Variants in LRRC4B observed in about 807,000 individuals in gnomAD.
The protein encoded by LRRC4B is leucine-rich repeat-containing protein 4B.
Under a neutral mutation model 7.3 loss-of-function variants are expected in LRRC4B, and 1 was observed. The ratio of observed to expected loss-of-function variants is 0.14; its 90% confidence interval spans 0.05 to 0.65. The LOEUF is 0.65. Among genes scored for constraint, LRRC4B ranks in the 30% least tolerant of loss-of-function variants. LRRC4B has a pLI of 0.84. For missense variants in LRRC4B, 730 were observed against 1,041.6 expected, an observed-to-expected ratio of 0.70 and a Z score of 4.12; for synonymous variants, 500 against 499.2, an observed-to-expected ratio of 1.00 and a Z score of -0.02.
At chr19:50,524,460 C>A (rs1239693803) in intron 2 of LRRC4B, among the ~76,000 whole-genome samples, 1 of 152,000 alleles carries the variant, frequency 6.6e-6, no homozygotes, top group Non-Finnish European at 1.5e-5. Context: ...CCCTATGTTG[C>A]CCAGGCTGGT....
chr19:50,523,206 G>A (rs1223402191), intron 2 of LRRC4B, among the ~76,000 whole-genome samples: 2 of 152,218 alleles, frequency 1.3e-5, no homozygotes, highest in Admixed American at 1.3e-4. Context: ...AGGCCACACA[G>A]CCATTGGATC....
chr19:50,521,005 G>A (rs1980556427), intron 2 of LRRC4B, among the ~76,000 whole-genome samples: 1 of 152,214 alleles, frequency 6.6e-6, no homozygotes, highest in African/African-American at 2.4e-5. Flanking sequence ...TTCCTCAGCA[G>A]GTGAATGGAC....
At chr19:50,525,580 ATT>A (rs36006616) in intron 2 of LRRC4B, among the ~76,000 whole-genome samples, 125 of 124,676 alleles carry the variant, frequency 1.0e-3, no homozygotes, top group Non-Finnish European at 1.0e-3. Context: ...TAATTTTTGT[ATT>A]TTTTTTTTTT....
At chr19:50,557,088 G>C (rs1292277467) in intron 1 of LRRC4B, among the ~76,000 whole-genome samples, 1 of 152,108 alleles carries the variant, frequency 6.6e-6, no homozygotes, top group Non-Finnish European at 1.5e-5. Flanking sequence ...GGGGTCCGGG[G>C]GTAGAGGATG....
Position 50,553,281 on chromosome 19 carries a change from C to T in LRRC4B, c.-35-4408G>A, listed in dbSNP as rs1054012801. Among the ~76,000 whole-genome samples the T allele has an allele frequency of 4.6e-5, 7 of 152,146 alleles. No homozygotes were observed. The East Asian group carries it at 1.4e-3, about 29-fold the overall frequency. On this transcript the variant is annotated intron_variant, in intron 1 of 2. Coordinates refer to ENST00000652263, the MANE Select transcript of LRRC4B (RefSeq NM_001080457.2). The surrounding 1 kb of genome is among the most constrained non-coding windows in gnomAD (Gnocchi z 4.2). ...GGCAGCGAGGGGTATCCTGTCAACACCCCATGGACCCTGCCCCGCCTCTGC... is the reference window on the plus strand; with the variant it reads ...GGCAGCGAGGGGTATCCTGTCAACATCCCATGGACCCTGCCCCGCCTCTGC...
rs1980441386 is a variant in LRRC4B, at chr19:50,519,164, C to G, written c.549G>C (p.Ser183=). The G allele has an allele frequency of 6.2e-7, 1 of 1,613,498 alleles. No homozygotes were observed. Among genetic ancestry groups the G allele is most frequent in the Non-Finnish European group, 8.5e-7 (1 of 1,179,962 alleles). The change falls in exon 3 of 3, where the codon TCG becomes TCC. Residue 183 remains serine, a synonymous_variant. Coordinates refer to ENST00000652263, the MANE Select transcript of LRRC4B (RefSeq NM_001080457.2). The surrounding 1 kb of genome is among the most constrained non-coding windows in gnomAD (Gnocchi z 8.1). ...GCTCGCCCAGGTCCAGGCGCCGCAG[C>G]GAGGGCACGCGGTTGAAGGCGTAGG... The part of the protein sequence containing the change: ...IPSYAFNRVP[S]LRRLDLGELK...
intron 2 of LRRC4B, among the ~76,000 whole-genome samples, chr19:50,544,488 C>T (rs10422795): frequency 0.38 from 56,782 of 149,564 alleles, 11,105 homozygotes; most frequent in Admixed American, 0.48. Context: ...GCCTGGGCGA[C>T]AGAGCGAGAC....
chr19:50,551,474 C>T (rs979077540), intron 1 of LRRC4B, among the ~76,000 whole-genome samples: 66 of 146,486 alleles, frequency 4.5e-4, no homozygotes, highest in African/African-American at 1.6e-3. Flanking sequence ...ACCTCTACCT[C>T]GACTCTCCCC....
intron 1 of LRRC4B, among the ~76,000 whole-genome samples, chr19:50,566,240 G>A (rs1175850673): frequency 6.6e-6 from 1 of 152,006 alleles, no homozygotes; most frequent in Non-Finnish European, 1.5e-5. Flanking sequence ...GAGGGAAGCC[G>A]GCTCCGGCTA....
intron 2 of LRRC4B, among the ~76,000 whole-genome samples, chr19:50,522,317 A>G (rs1177705758): frequency 1.3e-5 from 2 of 152,194 alleles, no homozygotes; most frequent in African/African-American, 4.8e-5. Flanking sequence ...GCCCTGTGAG[A>G]TGGGCACTAT....
At chr19:50,541,359 A>T (rs572267718) in intron 2 of LRRC4B, among the ~76,000 whole-genome samples, 1 of 122,740 alleles carries the variant, frequency 8.1e-6, no homozygotes, top group East Asian at 2.1e-4. Flanking sequence ...GTGAAGCAAG[A>T]CTCTATCTCA....
At chr19:50,542,499 C>T (rs1347053337) in intron 2 of LRRC4B, among the ~76,000 whole-genome samples, 19 of 123,428 alleles carry the variant, frequency 1.5e-4, no homozygotes, top group African/African-American at 4.8e-4. Context: ...TTTTTTGAGA[C>T]GGAGTCTCGC....
In LRRC4B at chr19:50,519,434, G is replaced by C. The variant is rs769979100; in HGVS notation, c.298-19C>G. The C allele has an allele frequency of 1.3e-6, 2 of 1,558,778 alleles. No homozygotes were observed. The highest frequency in any genetic ancestry group is 1.7e-6 in the Non-Finnish European group (2 of 1,156,856). On this transcript the variant is annotated intron_variant, in intron 2 of 2. Coordinates refer to ENST00000652263, the MANE Select transcript of LRRC4B (RefSeq NM_001080457.2). This position sits in a 1 kb window ranked among gnomAD's most constrained non-coding sequence, Gnocchi z 8.1. ...GGATCACCTGGGGAGAGGGAGACACGGATCAGTCACGGAGATACTGACGGG... is the reference window on the plus strand; with the variant it reads ...GGATCACCTGGGGAGAGGGAGACACCGATCAGTCACGGAGATACTGACGGG...
intron 2 of LRRC4B, among the ~76,000 whole-genome samples, chr19:50,522,970 G>A (rs539521145): frequency 1.4e-3 from 214 of 152,354 alleles, no homozygotes; most frequent in Non-Finnish European, 2.5e-3. Context: ...GGCCCAGGGA[G>A]GTGCAGTGAC....
Position 50,518,096 on chromosome 19 carries a change from C to T in LRRC4B, c.1617G>A (p.Thr539=), listed in dbSNP as rs375311127. Residue 539 remains threonine, a synonymous_variant, in exon 3 of 3, where the codon ACG becomes ACA. Coordinates refer to ENST00000652263, the MANE Select transcript of LRRC4B (RefSeq NM_001080457.2). ...DAAGPASSST[T]APAPRSSRPT... ...GCCGCGAGGAGCGCGGGGCGGGTGC[C>T]GTGGTAGAAGACGAGGCAGGGCCGG... 22 of 1,596,648 alleles carry T rather than the reference C, an allele frequency of 1.4e-5. No homozygotes were observed. The highest frequency in any genetic ancestry group is 5.4e-5 in the African/African-American group (4 of 73,848).
At position 50,563,482 on chromosome 19, in the gene LRRC4B, C is replaced by T. The variant is rs974239475; in HGVS notation, c.-36+4462G>A. On this transcript the variant is annotated intron_variant, in intron 1 of 2. Coordinates refer to ENST00000652263, the MANE Select transcript of LRRC4B (RefSeq NM_001080457.2). This position sits in a 1 kb window ranked among gnomAD's most constrained non-coding sequence, Gnocchi z 4.9. Reference sequence around the variant, plus strand: ...TGGAGGGGATGCTGCTGGGCTTGAGCGCTGCCAGGCACAGAGGGGAGCCCT... The same window carrying T: ...TGGAGGGGATGCTGCTGGGCTTGAGTGCTGCCAGGCACAGAGGGGAGCCCT... Among the ~76,000 whole-genome samples, 16 of 152,196 alleles carry T rather than the reference C, an allele frequency of 1.1e-4. No homozygotes were observed. The highest frequency in any genetic ancestry group is 1.5e-5 in the Non-Finnish European group (1 of 68,018).
rs999461727 is a variant in LRRC4B at position 50,548,342 on chromosome 19, G to A, written c.297+200C>T. 7.9e-5 allele frequency among the ~76,000 whole-genome samples: 12 copies of A among 152,264 alleles called. No individual in the cohort carries two copies. The highest frequency in any genetic ancestry group is 2.9e-4 in the African/African-American group (12 of 41,470). ...CGGTGGCTCAGAGACAGGGAGCACTGTGCTCTCAAAGCCCGGAGGGCCTCC... is the reference window on the plus strand; with the variant it reads ...CGGTGGCTCAGAGACAGGGAGCACTATGCTCTCAAAGCCCGGAGGGCCTCC... On this transcript the variant is annotated intron_variant, in intron 2 of 2. Coordinates refer to ENST00000652263, the MANE Select transcript of LRRC4B (RefSeq NM_001080457.2). The surrounding 1 kb of genome is among the most constrained non-coding windows in gnomAD (Gnocchi z 6.8).
In LRRC4B at chr19:50,556,183, C is replaced by T. The variant is rs975152328; in HGVS notation, c.-35-7310G>A. Among the ~76,000 whole-genome samples the T allele has an allele frequency of 2.6e-5, 4 of 152,084 alleles. No homozygotes were observed. Among genetic ancestry groups the T allele is most frequent in the Non-Finnish European group, 5.9e-5 (4 of 68,002 alleles). On this transcript the variant is annotated intron_variant, in intron 1 of 2. Coordinates refer to ENST00000652263, the MANE Select transcript of LRRC4B (RefSeq NM_001080457.2). The surrounding 1 kb of genome is among the most constrained non-coding windows in gnomAD (Gnocchi z 4.2). The stretch of plus-strand genomic sequence containing the variant: ...TGAGGAAGCAGGACTAGGGGCTTGG[C>T]TCAGCTCACGAATTTCCCGGGCCAC...
chr19:50,545,350 G>T (rs1178356018), intron 2 of LRRC4B, among the ~76,000 whole-genome samples: 11 of 150,120 alleles, frequency 7.3e-5, no homozygotes, highest in Non-Finnish European at 3.0e-5. Context: ...GGAGGTTGCG[G>T]TGAGCCGAGA....
Sources: gnomAD v4.1 joint callset for allele counts (sites outside exome capture counted in the v4.1 genomes callset) on GRCh38, gnomAD v4.1.1 for gene constraint, Gnocchi (gnomAD v3.1) non-coding constraint, MANE v1.5 for transcripts, NCBI Gene and HGNC (gene_info 2026-07-23, HGNC 2026-07-21) for gene names.